Variants in RTN2 observed in about 807,000 individuals in gnomAD.
The protein encoded by RTN2 is reticulon 2.
A neutral mutation model predicts 63.7 loss-of-function variants in RTN2; 36 were observed. The ratio of observed to expected loss-of-function variants is 0.56; its 90% confidence interval spans 0.43 to 0.75. The LOEUF (loss-of-function observed/expected upper bound fraction) is 0.75. Among genes scored for constraint, RTN2 ranks in the 30% least tolerant of loss-of-function variants. RTN2 has a pLI of 0.00. For synonymous variants in RTN2, 312 were observed against 313.0 expected (o/e 1.00, Z 0.03); for missense variants, 673 against 705.1 (o/e 0.95, Z 0.52).
chr19:45,485,615 A>G lies in RTN2; in HGVS notation c.*93T>C. ...ACCCACCGGGAAAAGGCTCGGGCCG[A>G]GGAGGGGGGTGGGTGGGAACGGACA... is the stretch of plus-strand genomic sequence containing the variant. On this transcript the variant is annotated 3_prime_UTR_variant, in exon 11 of 11. Transcript: ENST00000245923. 1 of 1,002,282 alleles carries G rather than the reference A, an allele frequency of 1.0e-6. No homozygotes were observed. The allele number at this position is 1,002,282 out of a possible 1,614,324, so 62.1% of individuals were successfully genotyped here.
chr19:45,486,135 G>T, intron 9 of RTN2, 22 bp from the exon 10 acceptor site: 1 of 1,611,098 alleles, frequency 6.2e-7, no homozygotes, highest in Middle Eastern at 1.7e-4. Context: ...AAAGAAAGGT[G>T]AAAGAAGGGA....
chr19:45,494,418 G>A lies in RTN2; in HGVS notation c.562C>T (p.Leu188=), dbSNP rs777670948. The A allele has an allele frequency of 1.6e-5, 26 of 1,611,298 alleles. No individual in the cohort carries two copies. The highest frequency in any genetic ancestry group is 1.7e-5 in the Non-Finnish European group (20 of 1,177,748). ...RLETGEAGEE[L]DLRLRLAQPS... is the part of the protein sequence containing the mutation. The stretch of plus-strand genomic sequence containing the variant: ...TGAGCAAGTCGGAGTCGTAGGTCCA[G>A]TTCTGATACGGTAGAGAGAGGAGGC... The change falls in exon 4 of 11, where the codon CTG becomes TTG. Residue 188 remains leucine (L), a splice_region_variant and synonymous_variant. Coordinates refer to ENST00000245923, the MANE Select transcript of RTN2 (RefSeq NM_005619.5). The surrounding 1 kb of genome is among the most constrained non-coding windows in gnomAD (Gnocchi z 5.3).
intron 1 of RTN2, among the ~76,000 whole-genome samples, chr19:45,496,225 C>T (rs1968265662): frequency 1.3e-5 from 2 of 152,150 alleles, no homozygotes; most frequent in Non-Finnish European, 2.9e-5. Flanking sequence ...GAATAGGAGG[C>T]CTGGAATGGT....
At chr19:45,487,538 T>C (rs1968049816) in intron 9 of RTN2, among the ~76,000 whole-genome samples, 1 of 151,486 alleles carries the variant, frequency 6.6e-6, no homozygotes, top group African/African-American at 2.4e-5. Context: ...GCAACAGCCA[T>C]CCCACTCTTG....
intron 5 of RTN2, among the ~76,000 whole-genome samples, chr19:45,491,330 G>A (rs1412100735): frequency 1.3e-5 from 2 of 150,290 alleles, no homozygotes; most frequent in Admixed American, 1.3e-4. Flanking sequence ...TAGCAGCTGG[G>A]ACTACAGGTG....
Position 45,493,213 on chromosome 19 carries a change from G to C in RTN2, c.980C>G (p.Pro327Arg). Residue 327 changes from proline (P) to arginine (R), a missense_variant, in exon 5 of 11, where the codon CCG (proline) becomes CGG (arginine). Physicochemically the swap from Pro to Arg is moderately radical, Grantham distance 103 (BLOSUM62 -2). Transcript: ENST00000245923. Reference protein sequence around the residue: ...LRVLLKWAKSPRSSGVPSLSL... With the variant: ...LRVLLKWAKSRRSSGVPSLSL... ...GAGGCTGGGGACACCGCTGCTTCTC[G>C]GGGATTTTGCCCACTTCAGTAGAAC... 1.2e-6 allele frequency: 2 copies of C among 1,613,568 alleles called. No individual in the cohort carries two copies. Among genetic ancestry groups the C allele is most frequent in the Non-Finnish European group, 1.7e-6 (2 of 1,180,010 alleles).
In RTN2 at chr19:45,494,914, G is replaced by A. The variant is rs1057465223; in HGVS notation, c.171C>T (p.Gly57=). The A allele has an allele frequency of 9.9e-6, 16 of 1,613,076 alleles. No homozygotes were observed. The Admixed American group carries it at 1.7e-4, about 17-fold the overall frequency. The part of the protein sequence containing the change: ...DEEETTSQDW[G]TPRELTFSYI... ...AGGAGAAGGTCAGCTCCCGGGGGGT[G>A]CCCCAGTCCTGCGACGTGGTCTCCT... is the stretch of plus-strand genomic sequence containing the variant. The change falls in exon 3 of 11, where the codon GGC becomes GGT. Residue 57 remains glycine, a synonymous_variant. Coordinates refer to ENST00000245923, the MANE Select transcript of RTN2 (RefSeq NM_005619.5). The surrounding 1 kb of genome is among the most constrained non-coding windows in gnomAD (Gnocchi z 5.3).
At chr19:45,490,186 G>A (rs1158292143) in intron 5 of RTN2, among the ~76,000 whole-genome samples, 1 of 151,954 alleles carries the variant, frequency 6.6e-6, no homozygotes, top group East Asian at 1.9e-4. Flanking sequence ...ATTTTTAGTA[G>A]AGACGGGGTT....
In RTN2 at chr19:45,494,884, G is replaced by T. The variant is rs554856462; in HGVS notation, c.201C>A (p.Ile67=). 5.5e-5 allele frequency: 88 copies of T among 1,610,464 alleles called. 1 individual carries two copies. The South Asian group carries it at 9.3e-4, about 17-fold the overall frequency. The change falls in exon 3 of 11, where the codon ATC becomes ATA. Residue 67 remains isoleucine (I), a synonymous_variant. Transcript: ENST00000245923. This position sits in a 1 kb window ranked among gnomAD's most constrained non-coding sequence, Gnocchi z 5.3. ...CGGAGCCCACTACACCATCAAAGGC[G>T]ATGTAGGAGAAGGTCAGCTCCCGGG... ...GTPRELTFSY[I]AFDGVVGSGG...
intron 9 of RTN2, among the ~76,000 whole-genome samples, 167 bp from the exon 10 acceptor site, chr19:45,486,280 C>A (rs1968019110): frequency 6.6e-6 from 1 of 152,108 alleles, no homozygotes; most frequent in Non-Finnish European, 1.5e-5. Flanking sequence ...GCCAGAGATG[C>A]CAGTTATAGG....
chr19:45,486,978 G>A (rs552623448), intron 9 of RTN2, among the ~76,000 whole-genome samples: 3 of 130,136 alleles, frequency 2.3e-5, no homozygotes, highest in South Asian at 2.4e-4. Flanking sequence ...CAAGTGATCC[G>A]CCTGCCTCAG....
At position 45,494,800 on chromosome 19, in the gene RTN2, T is replaced by C. The variant is rs146004780; in HGVS notation, c.285A>G (p.Glu95=). The C allele has an allele frequency of 6.6e-4, 1,062 of 1,604,526 alleles. 10 individuals carry two copies. The African/African-American group carries it at 0.013, about 19-fold the overall frequency. The change falls in exon 3 of 11, where the codon GAA becomes GAG. Residue 95 remains glutamate, a synonymous_variant. Coordinates refer to ENST00000245923, the MANE Select transcript of RTN2 (RefSeq NM_005619.5). The surrounding 1 kb of genome is among the most constrained non-coding windows in gnomAD (Gnocchi z 5.3). The stretch of plus-strand genomic sequence containing the variant: ...TGGGCTGAGGGTGCTGGTCTCGTGG[T>C]TCCGAGACTGAGCGGCCCTGGGGGC... ...RPRPQGRSVS[E]PRDQHPQPSL...
chr19:45,491,831 C>T (rs893991033), intron 5 of RTN2, among the ~76,000 whole-genome samples: 4 of 151,290 alleles, frequency 2.6e-5, no homozygotes, highest in African/African-American at 4.8e-5. Flanking sequence ...GATAGGGTCT[C>T]GCTATGTTGC....
chr19:45,496,302 C>T (rs114776177), intron 1 of RTN2, among the ~76,000 whole-genome samples: 2,660 of 152,336 alleles, frequency 0.017, 99 homozygotes, highest in African/African-American at 0.061. Flanking sequence ...AGTCCTTGCC[C>T]CCAAACCACG....
Position 45,493,362 on chromosome 19 carries a change from C to T in RTN2, c.831G>A (p.Trp277Ter), listed in dbSNP as rs1239398643. ...CAGCCAAAAGCAATGATGTCTTTAACCATTCCATAGCTGTTCCTGGAGGCG... is the reference window on the plus strand; with the variant it reads ...CAGCCAAAAGCAATGATGTCTTTAATCATTCCATAGCTGTTCCTGGAGGCG... ...EPRLLGTAME[W>*]LKTSLLLAVY... is the part of the protein sequence containing the mutation. Residue 277 changes from tryptophan (W) to a stop codon, truncating the protein, a stop_gained, in exon 5 of 11, where the codon TGG becomes TGA. Transcript: ENST00000245923. LOFTEE classifies it high-confidence loss of function. 3 of 1,609,462 alleles carry T rather than the reference C, an allele frequency of 1.9e-6. No individual in the cohort carries two copies. The Admixed American group carries it at 5.2e-5, about 28-fold the overall frequency.
rs765251692 is a variant in RTN2, at chr19:45,486,055, T to G, written c.1556A>C (p.Lys519Thr). 1.2e-6 allele frequency: 2 copies of G among 1,614,024 alleles called. No homozygotes were observed. The highest frequency in any genetic ancestry group is 4.5e-5 in the East Asian group (2 of 44,884). The change falls in exon 10 of 11, where the codon AAG becomes ACG. Residue 519 changes from lysine to threonine, a missense_variant and splice_region_variant. Physicochemically the swap from Lys to Thr is moderately conservative, Grantham distance 78. Transcript: ENST00000245923. ...ATCGACCTCCGCCCCATGCTCTTACTTAGCTTTGATGTGGCTCAACTGATT... is the reference window on the plus strand; with the variant it reads ...ATCGACCTCCGCCCCATGCTCTTACGTAGCTTTGATGTGGCTCAACTGATT... ...VTNQLSHIKA[K>T]IRAKIPGTGA... is the part of the protein sequence containing the mutation.
At chr19:45,491,410 G>C (rs1410933846) in intron 5 of RTN2, among the ~76,000 whole-genome samples, 1 of 150,690 alleles carries the variant, frequency 6.6e-6, no homozygotes, top group East Asian at 2.0e-4. Flanking sequence ...ACCCAGGCTG[G>C]AGTACAGTGG....
chr19:45,494,681 C>A lies in RTN2; in HGVS notation c.404G>T (p.Arg135Leu). Reference sequence around the variant, plus strand: ...CCGAAGCCTCAGGTCTTCCAGAGGGCGCTCGGATGGAGGCGCGGTGTCAGG... The same window carrying A: ...CCGAAGCCTCAGGTCTTCCAGAGGGAGCTCGGATGGAGGCGCGGTGTCAGG... ...GDPDTAPPSE[R>L]PLEDLRLRLD... The change falls in exon 3 of 11, where the codon CGC (arginine) becomes CTC (leucine). Residue 135 changes from arginine to leucine, a missense_variant. Arg to Leu is a moderately radical substitution (Grantham distance 102). Transcript: ENST00000245923. This position sits in a 1 kb window ranked among gnomAD's most constrained non-coding sequence, Gnocchi z 5.3. 1.9e-6 allele frequency: 3 copies of A among 1,613,760 alleles called. No homozygotes were observed. The highest frequency in any genetic ancestry group is 1.7e-6 in the Non-Finnish European group (2 of 1,179,988).
At chr19:45,495,654 T>C (rs1019961272) in intron 1 of RTN2, among the ~76,000 whole-genome samples, 1 of 152,182 alleles carries the variant, frequency 6.6e-6, no homozygotes, top group Non-Finnish European at 1.5e-5. Context: ...AGCAGAGATC[T>C]GAAGGAAGTG....
Sources: gnomAD v4.1 joint callset for allele counts (sites outside exome capture counted in the v4.1 genomes callset) on GRCh38, gnomAD v4.1.1 for gene constraint, Gnocchi (gnomAD v3.1) non-coding constraint, MANE v1.5 for transcripts, NCBI Gene and HGNC (gene_info 2026-07-23, HGNC 2026-07-21) for gene names.